Variants in MAP3K7 observed in about 807,000 individuals in gnomAD.
MAP3K7 encodes the protein TGF-beta activated kinase 1.
A neutral mutation model predicts 84.8 loss-of-function variants in MAP3K7; 21 were observed. That is an observed-to-expected ratio of 0.25 (90% confidence interval 0.18 to 0.36). The LOEUF is 0.36. Ranked by LOEUF, MAP3K7 falls within the 10% of genes least tolerant of loss-of-function variation. The probability of loss-of-function intolerance (pLI) is 1.00; values close to 1 mark genes in which losing one functional copy is unlikely to be tolerated. For synonymous variants in MAP3K7, 241 were observed against 247.7 expected (o/e 0.97, Z 0.25); for missense variants, 503 against 747.7 (o/e 0.67, Z 3.82).
At position 90,581,840 on chromosome 6, in the gene MAP3K7, C is replaced by T. The variant is rs73756040; in HGVS notation, c.120+4924G>A. The stretch of plus-strand genomic sequence containing the variant: ...AGACCACTATAAATTAGGTTTTTCT[C>T]TAATACCAATTCCCCATATATTTAT... On this transcript the variant is annotated intron_variant, in intron 1 of 16. Transcript: ENST00000369329. Among the ~76,000 whole-genome samples the T allele has an allele frequency of 5.9e-3, 906 of 152,314 alleles. 12 individuals are homozygous for T. The highest frequency in any genetic ancestry group is 0.019 in the African/African-American group (808 of 41,558).
intron 3 of MAP3K7, among the ~76,000 whole-genome samples, chr6:90,567,957 G>GC (rs1161275358): frequency 1.9e-4 from 29 of 152,276 alleles, no homozygotes; most frequent in African/African-American, 6.5e-4. Flanking sequence ...GCAAACTATT[G>GC]CAAGGACAGA....
At position 90,514,284 on chromosome 6, in the gene MAP3K7, C is replaced by T. The variant is rs1223882893; in HGVS notation, c.*2217G>A. The T allele has an allele frequency of 2.0e-5, 3 of 151,964 alleles. No homozygotes were observed. The highest frequency in any genetic ancestry group is 7.2e-5 in the African/African-American group (3 of 41,402). 9.4% of individuals were successfully genotyped at this position (151,964 alleles called of 1,614,324 possible). ...TGTGGATTTTAATTATCCCTGGTAT[C>T]TTTTTCTCCCATCTCCAAGGATCAT... On this transcript the variant is annotated 3_prime_UTR_variant, in exon 17 of 17. Coordinates refer to ENST00000369329, the MANE Select transcript of MAP3K7 (RefSeq NM_145331.3).
In MAP3K7 at chr6:90,547,293, A is replaced by C. The variant is rs778011461; in HGVS notation, c.1175T>G (p.Met392Arg). 1.5e-5 allele frequency: 25 copies of C among 1,613,224 alleles called. No homozygotes were observed. The Admixed American group carries it at 3.8e-4, about 25-fold the overall frequency. ...GGCGATCCTAGCTTCTATTTCAGACATGTCAGCACTCATCCTCTTGCCCTC... is the reference window on the plus strand; with the variant it reads ...GGCGATCCTAGCTTCTATTTCAGACCTGTCAGCACTCATCCTCTTGCCCTC... ...TSEGKRMSADMSEIEARIAAT... is the reference protein window; with the variant it reads ...TSEGKRMSADRSEIEARIAAT... Residue 392 changes from methionine to arginine, a missense_variant, in exon 11 of 17, where the codon ATG (methionine) becomes AGG (arginine). Met to Arg is a moderately conservative substitution (Grantham distance 91, BLOSUM62 -1). Coordinates refer to ENST00000369329, the MANE Select transcript of MAP3K7 (RefSeq NM_145331.3).
At chr6:90,579,843 T>C (rs1249653004) in intron 1 of MAP3K7, among the ~76,000 whole-genome samples, 3 of 152,170 alleles carry the variant, frequency 2.0e-5, no homozygotes, top group Admixed American at 6.6e-5. Context: ...AAATAGAAAG[T>C]GTTTTGTTTT....
chr6:90,562,156 G>A (rs561836696), intron 3 of MAP3K7, among the ~76,000 whole-genome samples: 45 of 152,340 alleles, frequency 3.0e-4, no homozygotes, highest in Admixed American at 1.0e-3. Context: ...AGCTACCAGC[G>A]TAAGCGACGC....
intron 13 of MAP3K7, among the ~76,000 whole-genome samples, chr6:90,525,986 C>T (rs911607705): frequency 3.3e-5 from 5 of 152,056 alleles, no homozygotes; most frequent in Admixed American, 3.3e-4. Context: ...GTAGCTGGGA[C>T]TACAGTTACA....
At chr6:90,581,685 T>C (rs1187829822) in intron 1 of MAP3K7, among the ~76,000 whole-genome samples, 1 of 152,234 alleles carries the variant, frequency 6.6e-6, no homozygotes, top group Non-Finnish European at 1.5e-5. Flanking sequence ...TCTCTGTAGC[T>C]ACCTCTTAAC....
chr6:90,550,682 T>A (rs1776153330), intron 8 of MAP3K7, 133 bp from the exon 9 acceptor site: 2 of 556,910 alleles, frequency 3.6e-6, no homozygotes, highest in Non-Finnish European at 6.3e-6. Flanking sequence ...AAGATTACAA[T>A]AATGTACTCT....
intron 14 of MAP3K7, among the ~76,000 whole-genome samples, chr6:90,522,395 G>A (rs1333847028): frequency 6.6e-6 from 1 of 152,054 alleles, no homozygotes; most frequent in Non-Finnish European, 1.5e-5. Context: ...CTGCTGAGTT[G>A]AGTACCAGAC....
chr6:90,528,254 CA>C (rs1775387938), intron 13 of MAP3K7, among the ~76,000 whole-genome samples: 1 of 151,974 alleles, frequency 6.6e-6, no homozygotes, highest in African/African-American at 2.4e-5. Flanking sequence ...TAAAAAAGAA[CA>C]TGGAGTTATA....
intron 1 of MAP3K7, among the ~76,000 whole-genome samples, chr6:90,581,755 G>T (rs915641209): frequency 4.6e-5 from 7 of 152,088 alleles, no homozygotes; most frequent in Non-Finnish European, 1.0e-4. Flanking sequence ...AGAATGTATT[G>T]ATTATTTTAG....
chr6:90,565,308 A>AC (rs1202928437), intron 3 of MAP3K7, among the ~76,000 whole-genome samples: 2 of 152,192 alleles, frequency 1.3e-5, no homozygotes, highest in African/African-American at 4.8e-5. Flanking sequence ...AAACTGATAG[A>AC]CCACTAGCAA....
At chr6:90,554,552 T>C (rs9451445) in intron 6 of MAP3K7, among the ~76,000 whole-genome samples, 40,462 of 152,086 alleles carry the variant, frequency 0.27, 5,916 homozygotes, top group South Asian at 0.42. Context: ...CACTGTAATA[T>C]AGCACTACAA....
chr6:90,579,221 T>C (rs930224425), intron 1 of MAP3K7, among the ~76,000 whole-genome samples: 18 of 152,166 alleles, frequency 1.2e-4, no homozygotes, highest in Non-Finnish European at 2.2e-4. Context: ...ATTTTAGCTG[T>C]TTAGAAGGGG....
Position 90,586,970 on chromosome 6 carries a change from C to T in MAP3K7, c.-87G>A. On this transcript the variant is annotated 5_prime_UTR_variant, in exon 1 of 17. Coordinates refer to ENST00000369329, the MANE Select transcript of MAP3K7 (RefSeq NM_145331.3). ...CGCGCCCACCCGCCTCCGGACCGACCCTCAGCCTGGAGCCGCGCAGTCCTA... is the reference window on the plus strand; with the variant it reads ...CGCGCCCACCCGCCTCCGGACCGACTCTCAGCCTGGAGCCGCGCAGTCCTA... 2.8e-6 allele frequency: 4 copies of T among 1,425,184 alleles called. No homozygotes were observed. Among genetic ancestry groups the T allele is most frequent in the African/African-American group, 1.5e-5 (1 of 67,272 alleles). 88.3% of individuals were successfully genotyped at this position (1,425,184 alleles called of 1,614,324 possible).
In MAP3K7 at chr6:90,516,261, G is replaced by A. The variant is rs1448943095; in HGVS notation, c.*240C>T. On this transcript the variant is annotated 3_prime_UTR_variant, in exon 17 of 17. Transcript: ENST00000369329. The stretch of plus-strand genomic sequence containing the variant: ...CACAGTTCACTGCATCTGTTTTGAA[G>A]TTGCAAAGTGCTGCTCATTCAAGTC... The A allele has an allele frequency of 5.5e-6, 3 of 542,680 alleles. No individual in the cohort carries two copies. The highest frequency in any genetic ancestry group is 9.8e-6 in the Non-Finnish European group (3 of 306,710). The allele number at this position is 542,680 out of a possible 1,614,324, so 33.6% of individuals were successfully genotyped here.
chr6:90,544,441 G>A (rs543354216), intron 12 of MAP3K7, 111 bp downstream of exon 12: 38 of 873,436 alleles, frequency 4.4e-5, no homozygotes, highest in African/African-American at 3.6e-4. Flanking sequence ...CTGCATGCAA[G>A]GTATCCATTT....
intron 1 of MAP3K7, among the ~76,000 whole-genome samples, chr6:90,582,308 C>T (rs1777300534): frequency 6.6e-6 from 1 of 152,124 alleles, no homozygotes; most frequent in South Asian, 2.1e-4. Context: ...TATAAGAGAA[C>T]AAGATGGGCA....
chr6:90,532,072 T>C (rs1460042799), intron 13 of MAP3K7, among the ~76,000 whole-genome samples: 1 of 152,164 alleles, frequency 6.6e-6, no homozygotes, highest in Non-Finnish European at 1.5e-5. Flanking sequence ...CCAGAACATT[T>C]GTTTACACAA....
Sources: gnomAD v4.1 joint callset for allele counts (sites outside exome capture counted in the v4.1 genomes callset) on GRCh38, gnomAD v4.1.1 for gene constraint, MANE v1.5 for transcripts, NCBI Gene and HGNC (gene_info 2026-07-23, HGNC 2026-07-21) for gene names.